SPAG16: variants seen among roughly 807,000 people sequenced by gnomAD.
The protein encoded by SPAG16 is sperm associated antigen 16.
Under a neutral mutation model 80.4 loss-of-function variants are expected in SPAG16, and 86 were observed. The ratio of observed to expected loss-of-function variants is 1.07; its 90% CI spans 0.90 to 1.28. SPAG16 has a LOEUF of 1.28. Ranked by LOEUF, SPAG16 falls within the 50% of genes most tolerant of loss-of-function variation. The pLI, the probability that SPAG16 is intolerant of heterozygous loss-of-function variation, is 0.00. For synonymous variants in SPAG16, 294 were observed against 265.9 expected (o/e 1.11, Z -1.03); for missense variants, 870 against 765.3 (o/e 1.14, Z -1.61).
rs537490506 is a variant in SPAG16, at chr2:214,264,070, A to T, written c.1720+114804A>T. Among the ~76,000 whole-genome samples the T allele has an allele frequency of 4.6e-5, 7 of 152,296 alleles. 1 individual carries two copies. In the South Asian group the frequency reaches 1.2e-3, roughly 27 times the overall value. The stretch of plus-strand genomic sequence containing the variant: ...CTGAATTTCAGAACATTTAAATTTC[A>T]GAAATCTGTGTGGCTGTCTGGACTG... On this transcript the variant is annotated intron_variant, in intron 15 of 15. Coordinates refer to ENST00000331683, the MANE Select transcript of SPAG16 (RefSeq NM_024532.5).
intron 10 of SPAG16, among the ~76,000 whole-genome samples, chr2:213,771,707 A>T (rs921182255): frequency 6.6e-6 from 1 of 152,168 alleles, no homozygotes; most frequent in Non-Finnish European, 1.5e-5. Flanking sequence ...TAAATAGGGA[A>T]TCCTTTCCCC....
Position 213,713,242 on chromosome 2 carries a change from A to T in SPAG16, c.1071-149243A>T, listed in dbSNP as rs147679045. Among the ~76,000 whole-genome samples the T allele has an allele frequency of 1.4e-3, 220 of 152,290 alleles. 3 individuals carry two copies. The highest frequency in any genetic ancestry group is 5.0e-3 in the African/African-American group (206 of 41,554). On this transcript the variant is annotated intron_variant, in intron 10 of 15. Transcript: ENST00000331683. ...ATTTGGGTGAGGACACAGCCAAACC[A>T]TACCACTGCCTTTGTCATGAAGGAC...
intron 10 of SPAG16, among the ~76,000 whole-genome samples, chr2:213,701,699 T>A (rs1574861691): frequency 1.3e-5 from 2 of 152,186 alleles, no homozygotes; most frequent in Admixed American, 1.3e-4. Flanking sequence ...CTGAGTCGGG[T>A]AGGGACTTGG....
intron 10 of SPAG16, among the ~76,000 whole-genome samples, chr2:213,713,788 G>C (rs774751303): frequency 6.6e-5 from 10 of 152,100 alleles, no homozygotes; most frequent in Non-Finnish European, 1.2e-4. Context: ...TATCAGACTG[G>C]ACTGGGATTT....
chr2:214,354,462 G>T (rs1318264443), intron 15 of SPAG16, among the ~76,000 whole-genome samples: 2 of 152,016 alleles, frequency 1.3e-5, no homozygotes, highest in Non-Finnish European at 2.9e-5. Flanking sequence ...TTTTGGCTTA[G>T]AATTGACTTG....
chr2:213,425,062 G>A (rs556680784), intron 9 of SPAG16, among the ~76,000 whole-genome samples: 3 of 152,284 alleles, frequency 2.0e-5, no homozygotes, highest in East Asian at 3.9e-4. Flanking sequence ...GGTGGCTCAT[G>A]CCTGTAATCC....
rs147206773 is a variant in SPAG16 at position 214,183,496 on chromosome 2, A to G, written c.1720+34230A>G. ...CTAAAATGTGGCTACTATGGCTCTC[A>G]GCTTGTTCAAGTCAGGAAAAGGAGT... is the stretch of plus-strand genomic sequence containing the variant. On this transcript the variant is annotated intron_variant, in intron 15 of 15. Coordinates refer to ENST00000331683, the MANE Select transcript of SPAG16 (RefSeq NM_024532.5). 6.9e-3 allele frequency among the ~76,000 whole-genome samples: 1,044 copies of G among 152,148 alleles called. 6 individuals carry two copies. The highest frequency in any genetic ancestry group is 0.011 in the Non-Finnish European group (717 of 67,976).
chr2:213,890,251 C>T (rs9288479), intron 11 of SPAG16, among the ~76,000 whole-genome samples: 90,318 of 151,768 alleles, frequency 0.6, 28,743 homozygotes, highest in South Asian at 0.85. Flanking sequence ...AGGAAAACAC[C>T]CGAATATAGA....
chr2:214,012,292 T>A (rs868552998), intron 12 of SPAG16, among the ~76,000 whole-genome samples: 422 of 62,008 alleles, frequency 6.8e-3, no homozygotes, highest in East Asian at 0.03. Context: ...ATATATATTT[T>A]TTTTTTTTTT....
intron 15 of SPAG16, among the ~76,000 whole-genome samples, chr2:214,367,951 T>G (rs779135768): frequency 1.3e-5 from 2 of 152,132 alleles, no homozygotes; most frequent in Non-Finnish European, 2.9e-5. Context: ...ATCTTGAAGG[T>G]TAGAATAATA....
intron 10 of SPAG16, among the ~76,000 whole-genome samples, chr2:213,590,838 A>T (rs2060661821): frequency 6.6e-6 from 1 of 152,180 alleles, no homozygotes; most frequent in Non-Finnish European, 1.5e-5. Context: ...TACCAAAAAG[A>T]CACCTACACT....
chr2:214,189,024 G>A (rs1270225950), intron 15 of SPAG16, among the ~76,000 whole-genome samples: 4 of 152,050 alleles, frequency 2.6e-5, no homozygotes, highest in Non-Finnish European at 4.4e-5. Flanking sequence ...AGGAATCGTG[G>A]TCTTTTTACC....
intron 13 of SPAG16, among the ~76,000 whole-genome samples, chr2:214,102,836 G>GA (rs2053145096): frequency 6.6e-6 from 1 of 152,082 alleles, no homozygotes; most frequent in African/African-American, 2.4e-5. Context: ...AAAGGCTTTA[G>GA]AATAGGAAAG....
At chr2:213,611,507 A>T (rs1447823092) in intron 10 of SPAG16, among the ~76,000 whole-genome samples, 1 of 152,190 alleles carries the variant, frequency 6.6e-6, no homozygotes, top group African/African-American at 2.4e-5. Flanking sequence ...GGGGATTTCA[A>T]TCCATTTTTA....
intron 15 of SPAG16, among the ~76,000 whole-genome samples, chr2:214,388,756 T>G (rs1700902073): frequency 1.3e-5 from 2 of 152,208 alleles, no homozygotes; most frequent in Non-Finnish European, 2.9e-5. Context: ...AAAAGGAATT[T>G]TTTGGATGTC....
chr2:213,964,426 C>A (rs1427174432), intron 12 of SPAG16, among the ~76,000 whole-genome samples: 3 of 152,086 alleles, frequency 2.0e-5, no homozygotes, highest in Non-Finnish European at 2.9e-5. Flanking sequence ...GCAATAAATT[C>A]TCTTAATATT....
At chr2:213,924,703 G>A (rs373877032) in intron 11 of SPAG16, among the ~76,000 whole-genome samples, 85 of 152,152 alleles carry the variant, frequency 5.6e-4, no homozygotes, top group African/African-American at 1.8e-3. Flanking sequence ...CTCCTTAGAA[G>A]TTTAGTGTGC....
intron 11 of SPAG16, among the ~76,000 whole-genome samples, chr2:213,899,125 A>G (rs946816855): frequency 6.6e-6 from 1 of 152,152 alleles, no homozygotes; most frequent in Non-Finnish European, 1.5e-5. Flanking sequence ...CAATATAAAT[A>G]GGCCAGTTGT....
At chr2:214,075,458 GA>G in intron 13 of SPAG16, among the ~76,000 whole-genome samples, 1 of 152,118 alleles carries the variant, frequency 6.6e-6, no homozygotes, top group East Asian at 1.9e-4. Flanking sequence ...GGGCATGAAG[GA>G]GGCTTCTGGA....
Sources: allele counts gnomAD v4.1 joint callset (sites outside exome capture counted in the v4.1 genomes callset), GRCh38; gene constraint gnomAD v4.1.1; transcripts MANE v1.5; gene names NCBI Gene and HGNC (gene_info 2026-07-23, HGNC 2026-07-21).